The following CCDC171 variants were observed in gnomAD, a reference collection of about 807,000 sequenced individuals.
CCDC171 encodes the protein coiled-coil domain containing 171.
CCDC171 carries 177 observed loss-of-function variants against 168.2 expected under a neutral mutation model. The observed-to-expected ratio is 1.05, with a 90% CI of 0.93 to 1.19. CCDC171 has a LOEUF of 1.19. CCDC171 is among the 50% of genes most tolerant of loss of function. The pLI is 0.00. For missense variants in CCDC171, 1,991 were observed against 1,539.0 expected (o/e 1.29, Z -4.91); for synonymous variants, 687 against 540.8 (o/e 1.27, Z -3.75).
chr9:15,769,515 G>T (rs528658675), intron 18 of CCDC171, among the ~76,000 whole-genome samples: 1 of 152,174 alleles, frequency 6.6e-6, no homozygotes, highest in Non-Finnish European at 1.5e-5. Context: ...GAATGGTAAC[G>T]ATAGACCATG....
At chr9:15,940,364 A>G (rs1001786881) in intron 25 of CCDC171, among the ~76,000 whole-genome samples, 2 of 151,796 alleles carry the variant, frequency 1.3e-5, no homozygotes, top group Non-Finnish European at 2.9e-5. Context: ...TCTCTTTTTC[A>G]ATGATTGAAG....
intron 6 of CCDC171, among the ~76,000 whole-genome samples, chr9:15,608,700 C>G (rs2043402709): frequency 6.6e-6 from 1 of 150,508 alleles, no homozygotes; most frequent in Non-Finnish European, 1.5e-5. Flanking sequence ...GCCTGTAATC[C>G]TAGCATTTTA....
chr9:15,907,275 A>C (rs1341498425), intron 24 of CCDC171, among the ~76,000 whole-genome samples: 4 of 152,218 alleles, frequency 2.6e-5, no homozygotes, highest in Non-Finnish European at 5.9e-5. Flanking sequence ...AGGCTACAGT[A>C]ACCAAAACAG....
At chr9:15,760,799 G>T (rs945542360) in intron 18 of CCDC171, among the ~76,000 whole-genome samples, 1 of 152,092 alleles carries the variant, frequency 6.6e-6, no homozygotes, top group African/African-American at 2.4e-5. Context: ...TAGAGAGTGG[G>T]CAAAGACCCC....
intron 10 of CCDC171, among the ~76,000 whole-genome samples, chr9:15,691,548 A>T (rs893505364): frequency 9.0e-6 from 1 of 111,446 alleles, no homozygotes; most frequent in African/African-American, 2.9e-5. Context: ...TATGTTTTTT[A>T]TATATATATA....
intron 8 of CCDC171, among the ~76,000 whole-genome samples, chr9:15,663,265 C>G (rs796133624): frequency 2.8e-4 from 43 of 152,264 alleles, no homozygotes; most frequent in African/African-American, 8.9e-4. Flanking sequence ...TTCTAAAGCC[C>G]ATTTTCTGTC....
At chr9:15,720,566 T>C (rs1380951499) in intron 11 of CCDC171, among the ~76,000 whole-genome samples, 2 of 152,190 alleles carry the variant, frequency 1.3e-5, no homozygotes, top group Non-Finnish European at 2.9e-5. Context: ...ATATTTATAT[T>C]ATAAAATATG....
intron 24 of CCDC171, among the ~76,000 whole-genome samples, chr9:15,901,198 G>A (rs943339343): frequency 2.6e-5 from 4 of 152,086 alleles, no homozygotes; most frequent in Non-Finnish European, 2.9e-5. Context: ...AGAGGGGAGC[G>A]AGGGATGAAT....
At chr9:16,104,688 CCACCCACCCGTT>C in the CCDC171 span, among the ~76,000 whole-genome samples, 1 of 152,038 alleles carries the variant, frequency 6.6e-6, no homozygotes, top group African/African-American at 2.4e-5. Flanking sequence ...ACCCACCCAT[CCACCCACCCGTT>C]CACCCAAGCC....
chr9:15,671,850 TC>T (rs1175387426), intron 9 of CCDC171, among the ~76,000 whole-genome samples: 1 of 152,212 alleles, frequency 6.6e-6, no homozygotes, highest in Non-Finnish European at 1.5e-5. Context: ...TGATTTATAA[TC>T]CTTTGGGTAT....
intron 11 of CCDC171, among the ~76,000 whole-genome samples, chr9:15,706,949 A>G (rs2052290720): frequency 2.0e-5 from 3 of 152,142 alleles, no homozygotes; most frequent in African/African-American, 4.8e-5. Flanking sequence ...CAAGACAACA[A>G]ATTGGATTTT....
intron 9 of CCDC171, among the ~76,000 whole-genome samples, chr9:15,671,243 C>T (rs2049086923): frequency 6.6e-6 from 1 of 152,112 alleles, no homozygotes; most frequent in South Asian, 2.1e-4. Flanking sequence ...TCTCATGTTC[C>T]TACACCTCAG....
chr9:16,042,334 A>G (rs1421827232), upstream of CCDC171, among the ~76,000 whole-genome samples: 4 of 152,208 alleles, frequency 2.6e-5, no homozygotes, highest in African/African-American at 4.8e-5. Flanking sequence ...GAAGAGGATC[A>G]TGAGGATTCT....
At chr9:15,941,379 T>A (rs1403002423) in intron 25 of CCDC171, among the ~76,000 whole-genome samples, 1 of 151,962 alleles carries the variant, frequency 6.6e-6, no homozygotes, top group African/African-American at 2.4e-5. Flanking sequence ...TCTTAACCAT[T>A]TTCAGTTTAA....
At chr9:15,659,489 C>G (rs2048163935) in intron 8 of CCDC171, among the ~76,000 whole-genome samples, 2 of 152,050 alleles carry the variant, frequency 1.3e-5, no homozygotes, top group African/African-American at 4.8e-5. Flanking sequence ...TTGCTTAAAT[C>G]TAGGAAGGTA....
At chr9:15,599,338 G>T (rs1472030234) in intron 6 of CCDC171, among the ~76,000 whole-genome samples, 1 of 152,118 alleles carries the variant, frequency 6.6e-6, no homozygotes, top group Non-Finnish European at 1.5e-5. Context: ...TTTTAGGGCA[G>T]GCCTGGTGGT....
chr9:15,653,700 T>C (rs1293472865), intron 7 of CCDC171, among the ~76,000 whole-genome samples: 1 of 152,140 alleles, frequency 6.6e-6, no homozygotes, highest in Non-Finnish European at 1.5e-5. Context: ...ATCTAGACAT[T>C]ATATAGTTTC....
intron 8 of CCDC171, among the ~76,000 whole-genome samples, chr9:15,657,716 C>G (rs887421097): frequency 6.6e-6 from 1 of 152,114 alleles, no homozygotes; most frequent in African/African-American, 2.4e-5. Context: ...TACTATATAT[C>G]TATCTCCAGA....
chr9:15,945,666 C>T (rs536229807), intron 25 of CCDC171, among the ~76,000 whole-genome samples: 150 of 149,900 alleles, frequency 1.0e-3, no homozygotes, highest in African/African-American at 3.4e-3. Context: ...TTTTTGGCTG[C>T]ATAAATGTCT....
Sources: gnomAD v4.1 joint callset for allele counts (sites outside exome capture counted in the v4.1 genomes callset) on GRCh38, gnomAD v4.1.1 for gene constraint, MANE v1.5 for transcripts, NCBI Gene and HGNC (gene_info 2026-07-23, HGNC 2026-07-21) for gene names.